DGKI: variants seen among roughly 807,000 people sequenced by gnomAD.
The protein encoded by DGKI is DAG kinase iota.
Under a neutral mutation model 147.5 loss-of-function variants are expected in DGKI, and 55 were observed. That is an observed-to-expected ratio of 0.37 (90% CI 0.30 to 0.47). The LOEUF is 0.47. Ranked by LOEUF, DGKI falls within the 20% of genes least tolerant of loss-of-function variation. DGKI has a pLI of 1.00. For missense variants in DGKI, 1,007 were observed against 1,323.8 expected (o/e 0.76, Z 3.71); for synonymous variants, 469 against 477.1 (o/e 0.98, Z 0.22).
intron 26 of DGKI, among the ~76,000 whole-genome samples, chr7:137,464,256 CAAAAAAAAAAAAAA>C (rs58290482): frequency 2.1e-5 from 1 of 47,758 alleles, no homozygotes; most frequent in East Asian, 6.7e-4. Flanking sequence ...GACTCCATCT[CAAAAAAAAAAAAAA>C]AAAAAAAAGG....
At chr7:137,445,954 T>A (rs1236116320) in intron 27 of DGKI, among the ~76,000 whole-genome samples, 1 of 152,114 alleles carries the variant, frequency 6.6e-6, no homozygotes, top group Non-Finnish European at 1.5e-5. Flanking sequence ...GAACCTATAT[T>A]TTAAGTAAGA....
chr7:137,573,479 A>T (rs2128976999), intron 17 of DGKI, among the ~76,000 whole-genome samples: 1 of 152,328 alleles, frequency 6.6e-6, no homozygotes, highest in Admixed American at 6.5e-5. Flanking sequence ...ATCTCAGCTC[A>T]CTGCAACCTC....
chr7:137,430,315 AACACC>A (rs910252214), intron 28 of DGKI, among the ~76,000 whole-genome samples: 31 of 151,604 alleles, frequency 2.0e-4, no homozygotes, highest in Admixed American at 7.2e-4. Context: ...CAAAAAACCA[AACACC>A]GCATGTTCTC....
intron 1 of DGKI, among the ~76,000 whole-genome samples, chr7:137,694,388 C>T (rs4728420): frequency 0.45 from 68,709 of 151,916 alleles, 17,292 homozygotes; most frequent in African/African-American, 0.68. Context: ...TAATTACCCA[C>T]TTTGCAAATT....
chr7:137,544,988 T>C (rs834060), intron 20 of DGKI, among the ~76,000 whole-genome samples: 24,797 of 152,152 alleles, frequency 0.16, 3,176 homozygotes, highest in African/African-American at 0.35. Flanking sequence ...TTGAGAAATA[T>C]ACAGGATCCT....
chr7:137,474,076 G>A (rs1417782164), intron 23 of DGKI, among the ~76,000 whole-genome samples: 2 of 152,120 alleles, frequency 1.3e-5, no homozygotes, highest in Non-Finnish European at 2.9e-5. Context: ...AAGAAGAAGT[G>A]AGTTCTTAAA....
At chr7:137,602,238 A>C (rs936440935) in intron 10 of DGKI, among the ~76,000 whole-genome samples, 1 of 152,210 alleles carries the variant, frequency 6.6e-6, no homozygotes, top group Non-Finnish European at 1.5e-5. Flanking sequence ...GCTATAGTAG[A>C]GTGCACAGCT....
intron 5 of DGKI, among the ~76,000 whole-genome samples, chr7:137,646,319 C>G (rs890213749): frequency 3.3e-5 from 5 of 152,160 alleles, no homozygotes; most frequent in Non-Finnish European, 7.3e-5. Flanking sequence ...CAAGAGATGT[C>G]AAGGACAAGA....
intron 10 of DGKI, among the ~76,000 whole-genome samples, chr7:137,602,872 AAG>A (rs986350183): frequency 2.6e-5 from 4 of 151,992 alleles, no homozygotes; most frequent in African/African-American, 9.7e-5. Flanking sequence ...ACTTTTGTGC[AAG>A]AGTCTAATTT....
intron 32 of DGKI, among the ~76,000 whole-genome samples, chr7:137,392,468 C>T (rs543318730): frequency 6.6e-5 from 10 of 152,290 alleles, no homozygotes; most frequent in Non-Finnish European, 1.3e-4. Flanking sequence ...TACAAATGCA[C>T]ACAAGTGTTA....
intron 1 of DGKI, among the ~76,000 whole-genome samples, chr7:137,737,166 AG>A (rs1795046370): frequency 6.8e-6 from 1 of 146,478 alleles, no homozygotes; most frequent in Non-Finnish European, 1.5e-5. Context: ...AAATGGTATT[AG>A]TTTTACTTCA....
At chr7:137,815,065 A>T (rs909522333) in intron 1 of DGKI, among the ~76,000 whole-genome samples, 4 of 143,572 alleles carry the variant, frequency 2.8e-5, no homozygotes, top group African/African-American at 1.1e-4. Context: ...AGGAAAAAAT[A>T]AAAAAAAAAA....
rs566793464 is a variant in DGKI at position 137,766,848 on chromosome 7, C to T, written c.402-76846G>A. On this transcript the variant is annotated intron_variant, in intron 1 of 32. Transcript: ENST00000614521. ...TCTGTTTCCCACTCCAAACTTGGCTCCCACAACACCTGCAGCAGGTGCACA... is the reference window on the plus strand; with the variant it reads ...TCTGTTTCCCACTCCAAACTTGGCTTCCACAACACCTGCAGCAGGTGCACA... 1.5e-3 allele frequency among the ~76,000 whole-genome samples: 222 copies of T among 152,254 alleles called. 1 individual carries two copies. Among genetic ancestry groups the T allele is most frequent in the Middle Eastern group, 3.4e-3 (1 of 294 alleles).
At chr7:137,422,716 T>C (rs1157088772) in intron 28 of DGKI, among the ~76,000 whole-genome samples, 2 of 140,400 alleles carry the variant, frequency 1.4e-5, no homozygotes, top group African/African-American at 2.6e-5. Flanking sequence ...GCAATTCTCC[T>C]GCCTCAGCCT....
chr7:137,708,476 T>C (rs561014720), intron 1 of DGKI, among the ~76,000 whole-genome samples: 25 of 152,308 alleles, frequency 1.6e-4, no homozygotes, highest in African/African-American at 5.5e-4. Flanking sequence ...ACTTAGAATG[T>C]AGGATACTTA....
intron 6 of DGKI, among the ~76,000 whole-genome samples, chr7:137,624,937 TC>T (rs1820882824): frequency 6.6e-6 from 1 of 151,504 alleles, no homozygotes; most frequent in Admixed American, 6.6e-5. Flanking sequence ...TAACACACCA[TC>T]CCAGTTCTCT....
At position 137,386,618 on chromosome 7, in the gene DGKI, G is replaced by A. The variant is rs1222989637; in HGVS notation, c.*4602C>T. The A allele has an allele frequency of 6.6e-6, 1 of 152,098 alleles. No individual in the cohort carries two copies. The highest frequency in any genetic ancestry group is 2.4e-5 in the African/African-American group (1 of 41,442). The allele number at this position is 152,098 out of a possible 1,614,324, so 9.4% of individuals were successfully genotyped here. On this transcript the variant is annotated 3_prime_UTR_variant, in exon 33 of 33. Coordinates refer to ENST00000614521, the MANE Select transcript of DGKI (RefSeq NM_001321708.2). ...CGTGACAAAATTATTGACAGTAGTA[G>A]GCAGAAAGTTCAGGGACAGGACTGC...
At chr7:137,536,987 G>T (rs1817541826) in intron 20 of DGKI, among the ~76,000 whole-genome samples, 1 of 152,126 alleles carries the variant, frequency 6.6e-6, no homozygotes, top group South Asian at 2.1e-4. Context: ...GTGGAAACTG[G>T]CATGAGCTGA....
At position 137,740,865 on chromosome 7, in the gene DGKI, G is replaced by C. The variant is rs567273058; in HGVS notation, c.402-50863C>G. On this transcript the variant is annotated intron_variant, in intron 1 of 32. Coordinates refer to ENST00000614521, the MANE Select transcript of DGKI (RefSeq NM_001321708.2). Reference sequence around the variant, plus strand: ...CTATACAGCCACACCCTATTTTTAAGGTAATTATAAGATTGGAAGTAGAAC... The same window carrying C: ...CTATACAGCCACACCCTATTTTTAACGTAATTATAAGATTGGAAGTAGAAC... Among the ~76,000 whole-genome samples the C allele has an allele frequency of 2.0e-5, 3 of 152,232 alleles. No individual in the cohort carries two copies. The South Asian group carries it at 6.2e-4, about 32-fold the overall frequency.
Sources: gnomAD v4.1 joint callset for allele counts (sites outside exome capture counted in the v4.1 genomes callset) on GRCh38, gnomAD v4.1.1 for gene constraint, MANE v1.5 for transcripts, NCBI Gene and HGNC (gene_info 2026-07-23, HGNC 2026-07-21) for gene names.